The following SORBS2 variants were observed in gnomAD, a reference collection of about 807,000 sequenced individuals.
SORBS2 encodes the protein sorbin and SH3 domain containing 2.
SORBS2 carries 46 observed loss-of-function variants against 97.7 expected under a neutral mutation model. The observed-to-expected ratio is 0.47, with a 90% CI of 0.37 to 0.60. SORBS2 has a LOEUF of 0.60. Among genes scored for constraint, SORBS2 ranks in the 20% least tolerant of loss-of-function variants. The pLI, the probability that SORBS2 is intolerant of heterozygous loss-of-function variation, is 0.00. For synonymous variants in SORBS2, 476 were observed against 473.4 expected (o/e 1.01, Z -0.07); for missense variants, 1,316 against 1,282.3 (o/e 1.03, Z -0.40).
intron 1 of SORBS2, among the ~76,000 whole-genome samples, chr4:185,799,166 T>A (rs907814850): frequency 6.6e-6 from 1 of 152,100 alleles, no homozygotes; most frequent in Non-Finnish European, 1.5e-5. Context: ...AAACCTAGTT[T>A]TCTGGAATTG....
chr4:185,602,273 G>A (rs1237298402), intron 12 of SORBS2, among the ~76,000 whole-genome samples: 1 of 152,182 alleles, frequency 6.6e-6, no homozygotes, highest in African/African-American at 2.4e-5. Context: ...CTCTCAAAGT[G>A]CTGGGATTAC....
At chr4:185,923,501 G>T (rs540987782) in intron 1 of SORBS2, among the ~76,000 whole-genome samples, 8 of 77,874 alleles carry the variant, frequency 1.0e-4, no homozygotes, top group Non-Finnish European at 8.6e-5. Context: ...ACAGGACTTT[G>T]GTATGTTGCC....
chr4:185,635,861 TTTA>T (rs1339494964), intron 4 of SORBS2, among the ~76,000 whole-genome samples: 18 of 152,174 alleles, frequency 1.2e-4, no homozygotes, highest in Non-Finnish European at 2.6e-4. Context: ...TTTATTTTAT[TTTA>T]TTTTATTTTT....
Position 185,656,648 on chromosome 4 carries a change from G to A in SORBS2, c.-10C>T, listed in dbSNP as rs143010919. On this transcript the variant is annotated 5_prime_UTR_variant, in exon 1 of 15. Coordinates refer to ENST00000418609, the Ensembl canonical transcript of SORBS2. ...GTGTTGTTGCTTTCATCCTGTCCCC[G>A]GCTTCCTTCTCCCGGCTGGCACAAG... 1,818 of 1,550,846 alleles carry A rather than the reference G, an allele frequency of 1.2e-3. 2 individuals are homozygous for A. The highest frequency in any genetic ancestry group is 1.4e-3 in the Non-Finnish European group (1,638 of 1,146,704).
At chr4:185,915,157 G>A (rs980822434) in intron 1 of SORBS2, among the ~76,000 whole-genome samples, 3 of 152,146 alleles carry the variant, frequency 2.0e-5, no homozygotes, top group African/African-American at 7.2e-5. Context: ...AACTTTTTTC[G>A]GCCTTTATAC....
chr4:185,681,427 A>T (rs1203034111), intron 2 of SORBS2, among the ~76,000 whole-genome samples: 1 of 151,992 alleles, frequency 6.6e-6, no homozygotes, highest in Non-Finnish European at 1.5e-5. Context: ...TCGCCCAGGT[A>T]AATGGCTTGG....
chr4:185,871,910 C>T (rs1306482433), intron 1 of SORBS2, among the ~76,000 whole-genome samples: 2 of 152,234 alleles, frequency 1.3e-5, no homozygotes, highest in African/African-American at 4.8e-5. Flanking sequence ...TTCCTTCTCT[C>T]AGGACTGTCA....
At chr4:185,708,312 G>C (rs939760105) in intron 2 of SORBS2, among the ~76,000 whole-genome samples, 2 of 152,196 alleles carry the variant, frequency 1.3e-5, no homozygotes, top group African/African-American at 4.8e-5. Flanking sequence ...AATAAATGTG[G>C]TCAAGAAACT....
In SORBS2 at chr4:185,623,756, A is replaced by C; in HGVS notation, c.1373T>G (p.Leu458Trp). The change falls in exon 7 of 15, where the codon TTG becomes TGG. Residue 458 changes from leucine to tryptophan, a missense_variant. By Grantham distance (61) the Leu-to-Trp change is moderately conservative. Coordinates refer to ENST00000418609, the Ensembl canonical transcript of SORBS2. This position sits in a 1 kb window ranked among gnomAD's most constrained non-coding sequence, Gnocchi z 6.4. ...GCCGCTTTGATTTTCTTCCTCCAGC[A>C]AATACTCAATGGAAAACCGCCTCTT... 1 of 1,614,118 alleles carries C rather than the reference A, an allele frequency of 6.2e-7. No individual in the cohort carries two copies.
intron 1 of SORBS2, among the ~76,000 whole-genome samples, chr4:185,779,602 C>A (rs2099017356): frequency 6.6e-6 from 1 of 152,184 alleles, no homozygotes; most frequent in African/African-American, 2.4e-5. Flanking sequence ...ATTGATTCCT[C>A]ATCGCTTCCT....
chr4:185,884,446 T>C (rs2099238350), intron 1 of SORBS2, among the ~76,000 whole-genome samples: 1 of 152,230 alleles, frequency 6.6e-6, no homozygotes, highest in African/African-American at 2.4e-5. Flanking sequence ...AATAAGCATG[T>C]GCTGTTTTTT....
intron 2 of SORBS2, among the ~76,000 whole-genome samples, chr4:185,748,671 T>A (rs995294781): frequency 3.3e-5 from 5 of 152,360 alleles, no homozygotes; most frequent in African/African-American, 9.6e-5. Context: ...AAGGTTGATA[T>A]GTTAACTACC....
intron 2 of SORBS2, among the ~76,000 whole-genome samples, chr4:185,735,352 G>A (rs1231456047): frequency 1.3e-5 from 2 of 150,696 alleles, no homozygotes; most frequent in Admixed American, 6.6e-5. Flanking sequence ...TAGGAGATTC[G>A]CTTCCATTGA....
chr4:185,647,128 A>G (rs1176424936), intron 3 of SORBS2, among the ~76,000 whole-genome samples: 1 of 152,184 alleles, frequency 6.6e-6, no homozygotes, highest in Non-Finnish European at 1.5e-5. Context: ...AGTAATGCAC[A>G]CACCATGTTT....
chr4:185,876,309 T>G (rs1442676296), intron 1 of SORBS2, among the ~76,000 whole-genome samples: 1 of 152,072 alleles, frequency 6.6e-6, no homozygotes, highest in Non-Finnish European at 1.5e-5. Context: ...AGTTTAACTA[T>G]ATTGGCCAGG....
At chr4:185,589,923 T>A (rs1390708489) in intron 13 of SORBS2, 138 bp from the exon 26 acceptor site, 4 of 615,180 alleles carry the variant, frequency 6.5e-6, no homozygotes, top group Non-Finnish European at 1.2e-5. Flanking sequence ...CTGGTAAGCA[T>A]GTAAATAGCA....
At chr4:185,709,532 A>G (rs2098399040) in intron 2 of SORBS2, among the ~76,000 whole-genome samples, 2 of 152,092 alleles carry the variant, frequency 1.3e-5, no homozygotes, top group Non-Finnish European at 1.5e-5. Flanking sequence ...AATGAAAAAG[A>G]CATATAAATT....
chr4:185,623,050 T>C lies in SORBS2; in HGVS notation c.2079A>G (p.Pro693=). The change falls in exon 7 of 15, where the codon CCA becomes CCG. Residue 693 remains proline (P), a synonymous_variant. Transcript: ENST00000418609. The surrounding 1 kb of genome is among the most constrained non-coding windows in gnomAD (Gnocchi z 6.4). ...AATGAATAGCACCATCGGGAGGCAGTGGGTGGAGAGGCTGGTGCAGGGGGC... is the reference window on the plus strand; with the variant it reads ...AATGAATAGCACCATCGGGAGGCAGCGGGTGGAGAGGCTGGTGCAGGGGGC... The C allele has an allele frequency of 6.2e-7, 1 of 1,614,036 alleles. No individual in the cohort carries two copies. Among genetic ancestry groups the C allele is most frequent in the Non-Finnish European group, 8.5e-7 (1 of 1,179,990 alleles).
intron 4 of SORBS2, chr4:185,646,056 C>T (rs929789777): frequency 6.6e-6 from 1 of 152,134 alleles, no homozygotes; most frequent in Non-Finnish European, 1.5e-5. Context: ...AATCAGGAAG[C>T]TTGAGGCTTG....
Sources: gnomAD v4.1 joint callset for allele counts (sites outside exome capture counted in the v4.1 genomes callset) on GRCh38, gnomAD v4.1.1 for gene constraint, Gnocchi (gnomAD v3.1) non-coding constraint, MANE v1.5 for transcripts, NCBI Gene and HGNC (gene_info 2026-07-23, HGNC 2026-07-21) for gene names.